Variants in ZFYVE26 observed in about 807,000 individuals in gnomAD.
ZFYVE26 encodes zinc finger FYVE domain-containing protein 26.
ZFYVE26 carries 181 observed loss-of-function variants against 276.5 expected under a neutral mutation model. The ratio of observed to expected loss-of-function variants is 0.65; its 90% CI spans 0.58 to 0.74. The LOEUF (loss-of-function observed/expected upper bound fraction) is 0.74. Among genes scored for constraint, ZFYVE26 ranks in the 30% least tolerant of loss-of-function variants. ZFYVE26 has a pLI of 0.00. For missense variants in ZFYVE26, 2,821 were observed against 3,097.9 expected, an observed-to-expected ratio of 0.91 and a Z score of 2.12; for synonymous variants, 1,129 against 1,203.1, an observed-to-expected ratio of 0.94 and a Z score of 1.27.
intron 39 of ZFYVE26, among the ~76,000 whole-genome samples, chr14:67,753,115 A>C (rs1046014365): frequency 7.2e-5 from 11 of 152,156 alleles, no homozygotes; most frequent in Non-Finnish European, 1.6e-4. Flanking sequence ...GAAGCCATTG[A>C]TCACTGACAC....
Position 67,762,341 on chromosome 14 carries a change from C to T in ZFYVE26, c.6231G>A (p.Gly2077=), listed in dbSNP as rs2140194176. 6.2e-7 allele frequency: 1 copy of T among 1,614,220 alleles called. No homozygotes were observed. The part of the protein sequence containing the change: ...HAWGMACLKA[G]NLTAAREKFS... ...ACTTCTCCCGTGCAGCAGTGAGGTT[C>T]CCGGCTTTGAGGCAGGCCATGCCCC... The change falls in exon 34 of 42, where the codon GGG becomes GGA. Residue 2077 remains glycine (G), a synonymous_variant. Coordinates refer to ENST00000347230, the MANE Select transcript of ZFYVE26 (RefSeq NM_015346.4).
intron 28 of ZFYVE26, 64 bp from the exon 29 acceptor site, chr14:67,769,794 AT>A: frequency 6.2e-7 from 1 of 1,608,898 alleles, no homozygotes. Flanking sequence ...CCATCAATCC[AT>A]TTATACATGG....
In ZFYVE26 at chr14:67,739,867, G is replaced by A. The variant is rs1381268277; in HGVS notation, n.2680-10048C>T. On this transcript the variant is annotated intron_variant and non_coding_transcript_variant, in intron 13 of 14. Coordinates refer to the ZFYVE26 transcript ENST00000394455. ...AGCTAAGAAAATCTCAAGAGAGGAGGTACAACTTGCTCTGATAGGAGGAGA... is the reference window on the plus strand; with the variant it reads ...AGCTAAGAAAATCTCAAGAGAGGAGATACAACTTGCTCTGATAGGAGGAGA... 2.0e-5 allele frequency among the ~76,000 whole-genome samples: 3 copies of A among 152,192 alleles called. No individual in the cohort carries two copies. The East Asian group carries it at 5.8e-4, about 29-fold the overall frequency.
chr14:67,758,789 C>T (rs1400601074), intron 35 of ZFYVE26, among the ~76,000 whole-genome samples: 1 of 152,124 alleles, frequency 6.6e-6, no homozygotes, highest in East Asian at 1.9e-4. Flanking sequence ...GCACCTGCCA[C>T]CACACCCAGC....
At position 67,790,744 on chromosome 14, in the gene ZFYVE26, T is replaced by C; in HGVS notation, c.2583A>G (p.Ser861=). ...TGAACATCAGTTCCCCTGAACTGGG[T>C]GAGGACTTCAGGTTGAACGTGAACA... ...QVLFTFNLKS[S]PSSGELMFME... The change falls in exon 15 of 42, where the codon TCA becomes TCG. Residue 861 remains serine, a synonymous_variant. Transcript: ENST00000347230. The C allele has an allele frequency of 1.2e-6, 2 of 1,614,130 alleles. No homozygotes were observed. Among genetic ancestry groups the C allele is most frequent in the Non-Finnish European group, 1.7e-6 (2 of 1,179,998 alleles).
chr14:67,798,998 T>C, intron 10 of ZFYVE26: 2 of 1,137,596 alleles, frequency 1.8e-6, no homozygotes, highest in South Asian at 1.2e-5. Context: ...GGATACTCTC[T>C]GCCCTCAGAT....
At chr14:67,774,615 G>A (rs1315506543) in intron 27 of ZFYVE26, among the ~76,000 whole-genome samples, 2 of 152,182 alleles carry the variant, frequency 1.3e-5, no homozygotes, top group South Asian at 2.1e-4. Context: ...GGACCTGTTA[G>A]TGGGGGTGGC....
intron 16 of ZFYVE26, among the ~76,000 whole-genome samples, chr14:67,787,773 G>A (rs1030515680): frequency 3.3e-5 from 5 of 152,194 alleles, no homozygotes; most frequent in Non-Finnish European, 7.4e-5. Context: ...AAGGACTATA[G>A]GGACTATGTA....
chr14:67,744,154 T>G (rs573088702), downstream of ZFYVE26, among the ~76,000 whole-genome samples: 4 of 152,198 alleles, frequency 2.6e-5, no homozygotes, highest in Non-Finnish European at 5.9e-5. Flanking sequence ...GATATTTGGT[T>G]GCTTGGGTAT....
In ZFYVE26 at chr14:67,773,551, G is replaced by GCACAAACACA; in HGVS notation, c.5321-1342_5321-1341insTGTGTTTGTG. Among the ~76,000 whole-genome samples, 2 of 125,886 alleles carry GCACAAACACA rather than the reference G, an allele frequency of 1.6e-5. 1 individual carries two copies. Among genetic ancestry groups the GCACAAACACA allele is most frequent in the East Asian group, 4.3e-4 (2 of 4,648 alleles). The allele number at this position is 125,886 out of a possible 152,430, so 82.6% of individuals were successfully genotyped here. A position where few individuals can be genotyped will look rare whatever the true frequency, so the allele number is the denominator to read the frequency against. ...CCTGTCTCCAAAAAAAAAAAAAAAG[G>GCACAAACACA]CGCACACACACACACACACACCCCA... On this transcript the variant is annotated intron_variant, in intron 27 of 41. Transcript: ENST00000347230.
chr14:67,766,486 C>T, intron 31 of ZFYVE26, 39 bp from the exon 32 acceptor site: 1 of 1,595,908 alleles, frequency 6.3e-7, no homozygotes, highest in East Asian at 2.2e-5. Context: ...ACGGTGAGTC[C>T]AGGGGCCAGA....
Position 67,807,627 on chromosome 14 carries a change from A to G in ZFYVE26, c.657T>C (p.Tyr219=). The change falls in exon 5 of 42, where the codon TAT becomes TAC. Residue 219 remains tyrosine (Y), a synonymous_variant. Coordinates refer to ENST00000347230, the MANE Select transcript of ZFYVE26 (RefSeq NM_015346.4). ...GGCAACGCAGAGTCCGCAGGGCTCCATAGATGGCATCGACTACCCCAGGGG... is the reference window on the plus strand; with the variant it reads ...GGCAACGCAGAGTCCGCAGGGCTCCGTAGATGGCATCGACTACCCCAGGGG... ...SVPPGVVDAI[Y]GALRTLRCPA... 1 of 1,614,184 alleles carries G rather than the reference A, an allele frequency of 6.2e-7. No homozygotes were observed.
At chr14:67,776,891 T>C (rs1012818679) in intron 25 of ZFYVE26, among the ~76,000 whole-genome samples, 28 of 152,214 alleles carry the variant, frequency 1.8e-4, no homozygotes, top group Admixed American at 5.2e-4. Flanking sequence ...TGGGGTAGTA[T>C]ATAGGACTGT....
intron 28 of ZFYVE26, among the ~76,000 whole-genome samples, chr14:67,771,230 T>G (rs2039200713): frequency 6.6e-6 from 1 of 152,226 alleles, no homozygotes; most frequent in Admixed American, 6.5e-5. Context: ...ATGTGGTATT[T>G]GGTTTTCCAT....
Position 67,783,472 on chromosome 14 carries a change from A to G in ZFYVE26, c.3680T>C (p.Ile1227Thr), listed in dbSNP as rs2140223973. Residue 1227 changes from isoleucine to threonine, a missense_variant, in exon 21 of 42, where the codon ATC (isoleucine) becomes ACC (threonine). Physicochemically the swap from Ile to Thr is moderately conservative, Grantham distance 89. Transcript: ENST00000347230. The stretch of plus-strand genomic sequence containing the variant: ...AAGGGGCTCACAGCAGCAGCTGACG[A>G]TGACCTGTGGCACACTTAGGCTGAG... The part of the protein sequence containing the change: ...ENLSLSVPQV[I>T]VSCCCEPLAL... 3 of 1,613,962 alleles carry G rather than the reference A, an allele frequency of 1.9e-6. No homozygotes were observed. The highest frequency in any genetic ancestry group is 2.5e-6 in the Non-Finnish European group (3 of 1,180,030).
intron 13 of ZFYVE26, among the ~76,000 whole-genome samples, chr14:67,740,905 T>A (rs12889276): frequency 0.12 from 17,067 of 147,774 alleles, 1,340 homozygotes; most frequent in South Asian, 0.34. Context: ...TAAGACTCTG[T>A]CTCAAAAAAA....
Position 67,763,807 on chromosome 14 carries a change from C to T in ZFYVE26, c.6012-988G>A, listed in dbSNP as rs553190040. Among the ~76,000 whole-genome samples, 38 of 152,310 alleles carry T rather than the reference C, an allele frequency of 2.5e-4. 1 individual carries two copies. The South Asian group carries it at 7.7e-3, about 31-fold the overall frequency. Reference sequence around the variant, plus strand: ...GATATTAATGTTTGGAGTGGGGATGCTCAGGGGTATTTGAGGCAAGGCCTT... The same window carrying T: ...GATATTAATGTTTGGAGTGGGGATGTTCAGGGGTATTTGAGGCAAGGCCTT... On this transcript the variant is annotated intron_variant, in intron 32 of 41. Transcript: ENST00000347230.
intron 32 of ZFYVE26, among the ~76,000 whole-genome samples, chr14:67,763,534 G>A (rs1438130890): frequency 6.6e-6 from 1 of 152,184 alleles, no homozygotes; most frequent in Admixed American, 6.5e-5. Flanking sequence ...CGTTGTACAG[G>A]TTTGTAGCCT....
intron 16 of ZFYVE26, among the ~76,000 whole-genome samples, chr14:67,787,672 T>C (rs1487916655): frequency 6.6e-6 from 1 of 152,184 alleles, no homozygotes; most frequent in African/African-American, 2.4e-5. Flanking sequence ...GCTTGAATAA[T>C]ATTTTATTTT....
Sources: allele counts gnomAD v4.1 joint callset (sites outside exome capture counted in the v4.1 genomes callset), GRCh38; gene constraint gnomAD v4.1.1; transcripts MANE v1.5; gene names NCBI Gene and HGNC (gene_info 2026-07-23, HGNC 2026-07-21).